MGAT4C: variants seen among roughly 807,000 people sequenced by gnomAD.
MGAT4C encodes MGAT4 family member C.
In MGAT4C, 19 loss-of-function variants were observed where a neutral mutation model predicts 40.1. That is an observed-to-expected ratio of 0.47 (90% CI 0.33 to 0.70). The LOEUF (loss-of-function observed/expected upper bound fraction) is 0.70, where lower values mean the gene tolerates loss of function less well. Among genes scored for constraint, MGAT4C ranks in the 30% least tolerant of loss-of-function variants. The pLI is 0.02. For missense variants in MGAT4C, 491 were observed against 563.2 expected, an observed-to-expected ratio of 0.87 and a Z score of 1.30; for synonymous variants, 181 against 187.1, an observed-to-expected ratio of 0.97 and a Z score of 0.27.
rs182892422 is a variant in MGAT4C at position 86,493,204 on chromosome 12, G to T, written c.-228-57939C>A. ...ACACTTTTACACTGTTGGTGGGACT[G>T]TAAACTAGTTTAACCATTGTGGAAG... On this transcript the variant is annotated intron_variant, in intron 2 of 7. Transcript: ENST00000548651. Among the ~76,000 whole-genome samples, 157 of 150,794 alleles carry T rather than the reference G, an allele frequency of 1.0e-3. 14 individuals are homozygous for T. Among genetic ancestry groups the T allele is most frequent in the African/African-American group, 3.8e-3 (154 of 40,126 alleles).
chr12:86,769,238 A>G (rs1172540184), intron 1 of MGAT4C, among the ~76,000 whole-genome samples: 1 of 152,212 alleles, frequency 6.6e-6, no homozygotes, highest in Non-Finnish European at 1.5e-5. Context: ...AAAAGAAGAC[A>G]TTTATGCAGC....
chr12:85,979,172 T>C lies in MGAT4C; in HGVS notation c.*117A>G. 1 of 745,878 alleles carries C rather than the reference T, an allele frequency of 1.3e-6. No individual in the cohort carries two copies. Among genetic ancestry groups the C allele is most frequent in the Non-Finnish European group, 2.1e-6 (1 of 472,052 alleles). The allele number at this position is 745,878 out of a possible 1,614,324, so 46.2% of individuals were successfully genotyped here. ...ACAATGTATAAATGAAAACTGCCAATGTAATTAATGTTTCTTTTAACATAT... is the reference window on the plus strand; with the variant it reads ...ACAATGTATAAATGAAAACTGCCAACGTAATTAATGTTTCTTTTAACATAT... On this transcript the variant is annotated 3_prime_UTR_variant, in exon 5 of 5. Transcript: ENST00000611864.
intron 1 of MGAT4C, among the ~76,000 whole-genome samples, chr12:86,049,971 A>T (rs1230337079): frequency 1.3e-5 from 2 of 151,940 alleles, no homozygotes; most frequent in Non-Finnish European, 2.9e-5. Flanking sequence ...TAAAGTATCA[A>T]ATTAAATATT....
At chr12:86,015,098 C>T (rs148339608) in intron 2 of MGAT4C, among the ~76,000 whole-genome samples, 1 of 151,494 alleles carries the variant, frequency 6.6e-6, no homozygotes, top group African/African-American at 2.4e-5. Flanking sequence ...TGTGAGCCAC[C>T]ACACCCGGCC....
intron 1 of MGAT4C, among the ~76,000 whole-genome samples, chr12:86,133,085 T>C (rs555977504): frequency 1.1e-3 from 162 of 152,346 alleles, no homozygotes; most frequent in African/African-American, 3.7e-3. Flanking sequence ...AAGAAGTACC[T>C]TTGTTATTGC....
chr12:86,399,073 C>A (rs150892606), intron 3 of MGAT4C, among the ~76,000 whole-genome samples: 1 of 152,124 alleles, frequency 6.6e-6, no homozygotes, highest in Non-Finnish European at 1.5e-5. Flanking sequence ...CGGATTCAAG[C>A]GATTCTCCTG....
rs540963713 is a variant in MGAT4C, at chr12:86,578,179, T to C, written c.-228-142914A>G. 5.3e-4 allele frequency among the ~76,000 whole-genome samples: 81 copies of C among 151,882 alleles called. 1 individual carries two copies. The highest frequency in any genetic ancestry group is 7.5e-4 in the Non-Finnish European group (51 of 67,822). On this transcript the variant is annotated intron_variant, in intron 2 of 7. Coordinates refer to the MGAT4C transcript ENST00000548651. ...AGAGTCTGGGTCCAAGATAGTCGAA[T>C]AGGAGGGTGAATGCTAATGCATAGG...
intron 2 of MGAT4C, among the ~76,000 whole-genome samples, chr12:86,442,309 A>G (rs1256219045): frequency 6.6e-6 from 1 of 152,064 alleles, no homozygotes; most frequent in Middle Eastern, 3.2e-3. Flanking sequence ...GTTCACTCTG[A>G]TGCTAGTTTC....
intron 1 of MGAT4C, among the ~76,000 whole-genome samples, chr12:86,790,792 C>T (rs1464518582): frequency 6.6e-6 from 1 of 152,052 alleles, no homozygotes; most frequent in East Asian, 1.9e-4. Flanking sequence ...TGTTAATGTT[C>T]AAATTTTCTG....
At chr12:86,050,405 T>C (rs903944415) in intron 1 of MGAT4C, among the ~76,000 whole-genome samples, 1 of 152,084 alleles carries the variant, frequency 6.6e-6, no homozygotes, top group African/African-American at 2.4e-5. Context: ...GTGTATTTTC[T>C]TTAAGCAAAG....
At chr12:86,689,426 T>G (rs1950134713) in intron 2 of MGAT4C, among the ~76,000 whole-genome samples, 1 of 151,960 alleles carries the variant, frequency 6.6e-6, no homozygotes, top group African/African-American at 2.4e-5. Context: ...GGCATTCTTG[T>G]TTTTTCCTCA....
chr12:85,997,244 G>A (rs1886730122), intron 2 of MGAT4C, among the ~76,000 whole-genome samples: 1 of 152,154 alleles, frequency 6.6e-6, no homozygotes. Context: ...AACAGCACAA[G>A]AAAGACCTGC....
intron 4 of MGAT4C, among the ~76,000 whole-genome samples, chr12:86,285,491 T>C (rs1953331061): frequency 6.6e-6 from 1 of 151,952 alleles, no homozygotes; most frequent in African/African-American, 2.4e-5. Context: ...TATTTAACAA[T>C]ATAGGACATC....
At chr12:86,695,585 C>A (rs1950241706) in intron 2 of MGAT4C, among the ~76,000 whole-genome samples, 1 of 152,050 alleles carries the variant, frequency 6.6e-6, no homozygotes, top group Non-Finnish European at 1.5e-5. Context: ...TACTATTCAT[C>A]CATAAGAAAG....
intron 2 of MGAT4C, among the ~76,000 whole-genome samples, chr12:86,694,805 T>C (rs1468866416): frequency 6.6e-6 from 1 of 152,192 alleles, no homozygotes; most frequent in South Asian, 2.1e-4. Context: ...CCTCAGACTT[T>C]GAAACTACAA....
intron 1 of MGAT4C, among the ~76,000 whole-genome samples, chr12:86,112,429 A>G (rs1207577083): frequency 4.0e-5 from 6 of 151,732 alleles, no homozygotes; most frequent in East Asian, 1.9e-4. Flanking sequence ...CTTGGGAAAT[A>G]CCAATAGTGG....
At chr12:86,380,181 T>G (rs1049563844) in intron 3 of MGAT4C, among the ~76,000 whole-genome samples, 1 of 151,970 alleles carries the variant, frequency 6.6e-6, no homozygotes, top group African/African-American at 2.4e-5. Flanking sequence ...TTGATCTACA[T>G]CACAATACAC....
At chr12:86,065,813 T>C (rs758868660) in intron 1 of MGAT4C, among the ~76,000 whole-genome samples, 3 of 152,126 alleles carry the variant, frequency 2.0e-5, no homozygotes, top group East Asian at 3.9e-4. Context: ...GAAAACCCCA[T>C]AGTCTCAGCC....
chr12:86,214,591 G>C (rs1950598195), intron 1 of MGAT4C, among the ~76,000 whole-genome samples: 1 of 152,102 alleles, frequency 6.6e-6, no homozygotes, highest in African/African-American at 2.4e-5. Context: ...TGGTTTGCAG[G>C]TGGCCAGCCT....
Sources: allele counts gnomAD v4.1 joint callset (sites outside exome capture counted in the v4.1 genomes callset), GRCh38; gene constraint gnomAD v4.1.1; transcripts MANE v1.5; gene names NCBI Gene and HGNC (gene_info 2026-07-23, HGNC 2026-07-21).